SAG: variants seen among roughly 807,000 people sequenced by gnomAD.
The protein encoded by SAG is S-antigen visual arrestin, also known as S-arrestin.
SAG carries 45 observed loss-of-function variants against 55.0 expected under a neutral mutation model. That is an observed-to-expected ratio of 0.82 (90% CI 0.64 to 1.05). SAG has a LOEUF of 1.05. Ranked by LOEUF, SAG falls within the 50% of genes least tolerant of loss-of-function variation. The pLI is 0.00. For missense variants in SAG, 455 were observed against 512.1 expected (o/e 0.89, Z 1.08); for synonymous variants, 189 against 197.4 (o/e 0.96, Z 0.36).
Position 233,343,971 on chromosome 2 carries a change from A to G in SAG, c.1102+1645A>G, listed in dbSNP as rs139174304. On this transcript the variant is annotated intron_variant, in intron 14 of 15. Coordinates refer to ENST00000409110, the MANE Select transcript of SAG (RefSeq NM_000541.5). ...ATTCAGATCCTCAATGAACTTTTCCAAAACTGTCCCTTGGAGAAAAATGTA... is the reference window on the plus strand; with the variant it reads ...ATTCAGATCCTCAATGAACTTTTCCGAAACTGTCCCTTGGAGAAAAATGTA... The G allele has an allele frequency of 1.0e-2, 1,603 of 160,924 alleles. 13 individuals are homozygous for G. Among genetic ancestry groups the G allele is most frequent in the East Asian group, 0.028 (147 of 5,290 alleles). 10.0% of individuals were successfully genotyped at this position (160,924 alleles called of 1,614,324 possible).
chr2:233,328,436 C>T, intron 7 of SAG, 42 bp from the exon 8 acceptor site: 1 of 1,598,030 alleles, frequency 6.3e-7, no homozygotes, highest in Non-Finnish European at 8.6e-7. Flanking sequence ...CTAAAGCGGC[C>T]TGGGTGCCAA....
At position 233,346,938 on chromosome 2, in the gene SAG, A is replaced by G; in HGVS notation, c.*26A>G. On this transcript the variant is annotated 3_prime_UTR_variant, in exon 16 of 16. Coordinates refer to ENST00000409110, the MANE Select transcript of SAG (RefSeq NM_000541.5). ...AGATGTCGGCTCAGGATGCCGGAAA[A>G]TGACCTGTAGTTACCAGTGCAACGA... 7.1e-7 allele frequency: 1 copy of G among 1,404,670 alleles called. No homozygotes were observed. Among genetic ancestry groups the G allele is most frequent in the Middle Eastern group, 1.8e-4 (1 of 5,704 alleles). 87.0% of individuals were successfully genotyped at this position (1,404,670 alleles called of 1,614,324 possible). A position where few individuals can be genotyped will look rare whatever the true frequency, so the allele number is the denominator to read the frequency against.
chr2:233,336,372 A>T (rs1574950329), intron 11 of SAG, among the ~76,000 whole-genome samples: 1 of 152,034 alleles, frequency 6.6e-6, no homozygotes, highest in Non-Finnish European at 1.5e-5. Context: ...AAAATTAGCC[A>T]GGTGTGGTGG....
intron 2 of SAG, among the ~76,000 whole-genome samples, chr2:233,313,609 G>A (rs1445998358): frequency 2.0e-5 from 3 of 151,556 alleles, no homozygotes; most frequent in South Asian, 2.1e-4. Flanking sequence ...ACAATGGTAC[G>A]ATCGTAGCTC....
intron 12 of SAG, among the ~76,000 whole-genome samples, chr2:233,339,143 C>T (rs1701024483): frequency 6.6e-6 from 1 of 152,210 alleles, no homozygotes; most frequent in African/African-American, 2.4e-5. Flanking sequence ...AGGTATCCAT[C>T]CATAAAGTGG....
Position 233,346,906 on chromosome 2 carries a change from T to C in SAG, c.1212T>C (p.Asp404=). ...EEGKRDKNDV[D]E ...GGAAGAGAGACAAGAATGACGTTGA[T>C]GAGTGAAGATGTCGGCTCAGGATGC... Residue 404 remains aspartate, a synonymous_variant, in exon 16 of 16, where the codon GAT becomes GAC. Transcript: ENST00000409110. The C allele has an allele frequency of 6.3e-7, 1 of 1,584,072 alleles. No individual in the cohort carries two copies. Among genetic ancestry groups the C allele is most frequent in the Non-Finnish European group, 8.7e-7 (1 of 1,153,934 alleles).
At chr2:233,331,582 A>G in intron 9 of SAG, 58 bp from the exon 10 acceptor site, 4 of 1,111,864 alleles carry the variant, frequency 3.6e-6, no homozygotes, top group Admixed American at 1.7e-5. Context: ...GGCCGCAGGG[A>G]AAGTGCACGT....
rs771024251 is a variant in SAG at position 233,340,635 on chromosome 2, G to A, written c.1046+157G>A. On this transcript the variant is annotated intron_variant, in intron 13 of 15. Coordinates refer to ENST00000409110, the MANE Select transcript of SAG (RefSeq NM_000541.5). The surrounding 1 kb of genome is among the most constrained non-coding windows in gnomAD (Gnocchi z 4.2). ...TTGCCTTCGGATGCATCACAGAACC[G>A]TGGCTCATAGGCGTTTCTTTGGGAC... Among the ~76,000 whole-genome samples, 3 of 152,088 alleles carry A rather than the reference G, an allele frequency of 2.0e-5. No homozygotes were observed. Among genetic ancestry groups the A allele is most frequent in the Middle Eastern group, 3.2e-3 (1 of 316 alleles).
rs1700780688 is a variant in SAG, at chr2:233,331,957, G to T, written c.806+245G>T. The T allele has an allele frequency of 5.8e-6, 3 of 515,112 alleles. No individual in the cohort carries two copies. The East Asian group carries it at 1.0e-4, about 18-fold the overall frequency. The allele number at this position is 515,112 out of a possible 1,614,324, so 31.9% of individuals were successfully genotyped here. A position where few individuals can be genotyped will look rare whatever the true frequency, so the allele number is the denominator to read the frequency against. On this transcript the variant is annotated intron_variant, in intron 10 of 15. Transcript: ENST00000409110. ...ATGCAAGCCAAAGAATGACGCAGAGGAGAGAAATAAAGACAGAAATGTCAC... is the reference window on the plus strand; with the variant it reads ...ATGCAAGCCAAAGAATGACGCAGAGTAGAGAAATAAAGACAGAAATGTCAC...
chr2:233,335,624 G>T (rs1353504847), intron 11 of SAG, among the ~76,000 whole-genome samples: 3 of 152,186 alleles, frequency 2.0e-5, no homozygotes, highest in Non-Finnish European at 4.4e-5. Flanking sequence ...GAATTGTAAA[G>T]AACAGGAGGT....
chr2:233,328,303 T>A (rs1158702706), intron 7 of SAG, 175 bp from the exon 8 acceptor site: 15 of 652,176 alleles, frequency 2.3e-5, no homozygotes, highest in Non-Finnish European at 3.7e-5. Context: ...CCCAGGCTCT[T>A]CCACCGTCAG....
At chr2:233,331,890 CCA>C (rs1700778060) in intron 10 of SAG, 178 bp downstream of exon 10, 1 of 630,018 alleles carries the variant, frequency 1.6e-6, no homozygotes, top group Non-Finnish European at 2.9e-6. Context: ...TCTGCATCTA[CCA>C]CACCCCTCTG....
chr2:233,323,005 G>T lies in SAG; in HGVS notation c.435G>T (p.Lys145Asn). 6.4e-7 allele frequency: 1 copy of T among 1,558,026 alleles called. No homozygotes were observed. Residue 145 changes from lysine (K) to asparagine (N), a missense_variant and splice_region_variant, in exon 6 of 16, where the codon AAG becomes AAT. Transcript: ENST00000409110. ...MLQPAPQDSG[K>N]SCGVDFEVKA... is the part of the protein sequence containing the mutation. ...AGCCAGCTCCACAAGATTCAGGGAAGGTTAGTTCAAGAAGAAATGCCATGG... is the reference window on the plus strand; with the variant it reads ...AGCCAGCTCCACAAGATTCAGGGAATGTTAGTTCAAGAAGAAATGCCATGG...
At chr2:233,311,655 T>C (rs527877056) in intron 2 of SAG, among the ~76,000 whole-genome samples, 1 of 152,264 alleles carries the variant, frequency 6.6e-6, no homozygotes, top group Non-Finnish European at 1.5e-5. Flanking sequence ...CTTCTCTACC[T>C]GCCCCCATCC....
chr2:233,322,185 C>CAAAA (rs35197599), intron 5 of SAG, among the ~76,000 whole-genome samples: 1 of 66,090 alleles, frequency 1.5e-5, no homozygotes, highest in Non-Finnish European at 3.1e-5. Flanking sequence ...GACTCTGTCT[C>CAAAA]AAAAAAAAAA....
At chr2:233,323,961 G>A (rs1700467505) in intron 6 of SAG, among the ~76,000 whole-genome samples, 1 of 152,138 alleles carries the variant, frequency 6.6e-6, no homozygotes, top group Non-Finnish European at 1.5e-5. Flanking sequence ...TGTGTGTTGA[G>A]GATGTTTAAA....
At chr2:233,318,441 C>T (rs1351208006) in intron 3 of SAG, among the ~76,000 whole-genome samples, 1 of 152,056 alleles carries the variant, frequency 6.6e-6, no homozygotes, top group Non-Finnish European at 1.5e-5. Flanking sequence ...CTATGTTGCT[C>T]AGGCTGCTCT....
intron 14 of SAG, chr2:233,342,772 T>A (rs1268443200): frequency 5.7e-6 from 1 of 175,334 alleles, no homozygotes; most frequent in African/African-American, 2.4e-5. Context: ...ATTTTTTTTT[T>A]TTTTTGAGAC....
chr2:233,323,572 A>G (rs1700451613), intron 6 of SAG, among the ~76,000 whole-genome samples: 4 of 151,890 alleles, frequency 2.6e-5, no homozygotes, highest in African/African-American at 9.7e-5. Context: ...CACATTGGTC[A>G]GGCTGGTCTC....
Sources: allele counts gnomAD v4.1 joint callset (sites outside exome capture counted in the v4.1 genomes callset), GRCh38; gene constraint gnomAD v4.1.1; non-coding constraint Gnocchi (gnomAD v3.1); transcripts MANE v1.5; gene names NCBI Gene and HGNC (gene_info 2026-07-23, HGNC 2026-07-21).